DVL3: variants seen among roughly 807,000 people sequenced by gnomAD.
DVL3 encodes the protein segment polarity protein dishevelled homolog DVL-3.
A neutral mutation model predicts 67.4 loss-of-function variants in DVL3; 27 were observed. That is an observed-to-expected ratio of 0.40 (90% CI 0.30 to 0.55). The LOEUF (loss-of-function observed/expected upper bound fraction) is 0.55, where lower values mean the gene tolerates loss of function less well. DVL3 is among the 20% of genes least tolerant of loss of function. The pLI is 0.46. For missense variants in DVL3, 819 were observed against 1,021.5 expected (o/e 0.80, Z 2.70); for synonymous variants, 369 against 396.8 (o/e 0.93, Z 0.83).
rs1487586409 is a variant in DVL3, at chr3:184,167,627, G to A, written c.1246G>A (p.Val416Ile). Residue 416 changes from valine (V) to isoleucine (I), a missense_variant, in exon 12 of 15, where the codon GTA becomes ATA. By Grantham distance (29) the Val-to-Ile change is conservative. Transcript: ENST00000313143. The surrounding 1 kb of genome is among the most constrained non-coding windows in gnomAD (Gnocchi z 4.6). ...LSIHSDMAAI[V>I]KAMASPESGL... Reference sequence around the variant, plus strand: ...CATCCACAGTGACATGGCTGCCATCGTAAAAGCCATGGCCTCCCCTGAATC... The same window carrying A: ...CATCCACAGTGACATGGCTGCCATCATAAAAGCCATGGCCTCCCCTGAATC... The A allele has an allele frequency of 3.1e-6, 5 of 1,613,784 alleles. No homozygotes were observed. Among genetic ancestry groups the A allele is most frequent in the East Asian group, 2.2e-5 (1 of 44,866 alleles).
chr3:184,169,381 G>A (rs1484663616), intron 13 of DVL3, among the ~76,000 whole-genome samples: 2 of 152,172 alleles, frequency 1.3e-5, no homozygotes, highest in East Asian at 1.9e-4. Flanking sequence ...CTGAGTGAAC[G>A]GAAGAGAAAA....
rs755336198 is a variant in DVL3, at chr3:184,166,242, G to A, written c.880G>A (p.Glu294Lys). 3 of 1,612,796 alleles carry A rather than the reference G, an allele frequency of 1.9e-6. No homozygotes were observed. The highest frequency in any genetic ancestry group is 1.3e-5 in the African/African-American group (1 of 74,868). ...GGAVAADGRI[E>K]PGDMLLQVNE... ...GGCCGTGGCTGCTGATGGACGCATC[G>A]AGCCAGGAGATATGTTGTTACAGGT... The change falls in exon 8 of 15, where the codon GAG becomes AAG. Residue 294 changes from glutamate (E) to lysine (K), a missense_variant. Around this residue, in one of 3 missense-constraint regions of DVL3, gnomAD observed 385 missense variants for 486.8 expected, o/e 0.79. Transcript: ENST00000313143. The surrounding 1 kb of genome is among the most constrained non-coding windows in gnomAD (Gnocchi z 6.7).
In DVL3 at chr3:184,165,023, C is replaced by T; in HGVS notation, c.600-90C>T. On this transcript the variant is annotated intron_variant, in intron 5 of 14. Coordinates refer to ENST00000313143, the MANE Select transcript of DVL3 (RefSeq NM_004423.4). This position sits in a 1 kb window ranked among gnomAD's most constrained non-coding sequence, Gnocchi z 4.1. Reference sequence around the variant, plus strand: ...GCGGGGCCCCTGGGAGGCTTATGGGCTTTGTGTTGGGGACCCAGGCCCTGC... The same window carrying T: ...GCGGGGCCCCTGGGAGGCTTATGGGTTTTGTGTTGGGGACCCAGGCCCTGC... The T allele has an allele frequency of 6.2e-7, 1 of 1,607,924 alleles. No homozygotes were observed.
In DVL3 at chr3:184,165,548, A is replaced by C. The variant is rs578167627; in HGVS notation, c.763+57A>C. On this transcript the variant is annotated intron_variant, in intron 7 of 14. Coordinates refer to ENST00000313143, the MANE Select transcript of DVL3 (RefSeq NM_004423.4). This position sits in a 1 kb window ranked among gnomAD's most constrained non-coding sequence, Gnocchi z 4.1. ...CTGCTATATGCCAGACACTGGGCAG[A>C]CTTGAGTTCAGAGAGCGTAGAATAT... 1 of 1,498,766 alleles carries C rather than the reference A, an allele frequency of 6.7e-7. No individual in the cohort carries two copies. Among genetic ancestry groups the C allele is most frequent in the Non-Finnish European group, 9.3e-7 (1 of 1,075,996 alleles). The allele number at this position is 1,498,766 out of a possible 1,614,324, so 92.8% of individuals were successfully genotyped here.
At position 184,163,474 on chromosome 3, in the gene DVL3, G is replaced by C. The variant is rs543537514; in HGVS notation, c.162-183G>C. Among the ~76,000 whole-genome samples the C allele has an allele frequency of 6.6e-6, 1 of 152,212 alleles. No individual in the cohort carries two copies. The highest frequency in any genetic ancestry group is 2.1e-4 in the South Asian group (1 of 4,836). On this transcript the variant is annotated intron_variant, in intron 1 of 14. Coordinates refer to ENST00000313143, the MANE Select transcript of DVL3 (RefSeq NM_004423.4). The surrounding 1 kb of genome is among the most constrained non-coding windows in gnomAD (Gnocchi z 4.5). ...AAGGTATCTGGCCTAGGCAGGGCTG[G>C]TGTCTTCCTGGTGGTGCCAAAGAGC...
At position 184,167,771 on chromosome 3, in the gene DVL3, G is replaced by A. The variant is rs377742736; in HGVS notation, c.1330+60G>A. ...GGGGAGTGATGGGGCAGGGCAGGCCGGAGGGCCCAGGACTTGCCTTGGACC... is the reference window on the plus strand; with the variant it reads ...GGGGAGTGATGGGGCAGGGCAGGCCAGAGGGCCCAGGACTTGCCTTGGACC... On this transcript the variant is annotated intron_variant, in intron 12 of 14. Transcript: ENST00000313143. This position sits in a 1 kb window ranked among gnomAD's most constrained non-coding sequence, Gnocchi z 4.6. 99 of 1,588,012 alleles carry A rather than the reference G, an allele frequency of 6.2e-5. No individual in the cohort carries two copies. The highest frequency in any genetic ancestry group is 7.5e-5 in the Non-Finnish European group (88 of 1,166,924).
At chr3:184,161,889 C>T (rs1323680839) in intron 1 of DVL3, among the ~76,000 whole-genome samples, 1 of 152,152 alleles carries the variant, frequency 6.6e-6, no homozygotes, top group Non-Finnish European at 1.5e-5. Context: ...TCTCAGTTTC[C>T]TTATTCATGA....
chr3:184,160,169 G>A (rs1714333216), intron 1 of DVL3, among the ~76,000 whole-genome samples: 2 of 150,458 alleles, frequency 1.3e-5, no homozygotes, highest in Non-Finnish European at 3.0e-5. Flanking sequence ...AGCCAGGATG[G>A]TCTTGATCTC....
Position 184,172,680 on chromosome 3 carries a change from G to T in DVL3, c.*1925G>T, listed in dbSNP as rs1483643158. On this transcript the variant is annotated 3_prime_UTR_variant, in exon 15 of 15. Coordinates refer to ENST00000313143, the MANE Select transcript of DVL3 (RefSeq NM_004423.4). ...ATCCAGGAAGCAAGCGGAGGTTGCA[G>T]TGAGTTGAGATCGCACTCCAGCCTG... 2 of 152,274 alleles carry T rather than the reference G, an allele frequency of 1.3e-5. No individual in the cohort carries two copies. The highest frequency in any genetic ancestry group is 4.8e-5 in the African/African-American group (2 of 41,466). 9.4% of individuals were successfully genotyped at this position (152,274 alleles called of 1,614,324 possible).
intron 1 of DVL3, among the ~76,000 whole-genome samples, chr3:184,162,364 T>C (rs1199756230): frequency 1.3e-5 from 2 of 151,764 alleles, no homozygotes; most frequent in African/African-American, 2.4e-5. Flanking sequence ...TTGTTTTGTT[T>C]TGTAGAGCCG....
rs1436821051 is a variant in DVL3, at chr3:184,173,354, CTACTT to C, written c.*2602_*2606del. 1.3e-5 allele frequency: 2 copies of C among 152,254 alleles called. No homozygotes were observed. Among genetic ancestry groups the C allele is most frequent in the Non-Finnish European group, 2.9e-5 (2 of 68,062 alleles). The allele number at this position is 152,254 out of a possible 1,614,324, so 9.4% of individuals were successfully genotyped here. On this transcript the variant is annotated 3_prime_UTR_variant, in exon 15 of 15. Transcript: ENST00000313143. Reference sequence around the variant, plus strand: ...GAATTTGGCCCTCCCTCTCCCCTCTCTACTTTAATTCATTGGAGCATGGGATTTGG... The same window carrying C: ...GAATTTGGCCCTCCCTCTCCCCTCTCTAATTCATTGGAGCATGGGATTTGG...
rs1714441934 is a variant in DVL3, at chr3:184,163,129, C to G, written c.162-528C>G. On this transcript the variant is annotated intron_variant, in intron 1 of 14. Coordinates refer to ENST00000313143, the MANE Select transcript of DVL3 (RefSeq NM_004423.4). The surrounding 1 kb of genome is among the most constrained non-coding windows in gnomAD (Gnocchi z 4.5). ...CTCGTACTCCTGACCTCAGGGTGAT[C>G]TGCCTGCCTCAGCCTCTCAAAGTTC... Among the ~76,000 whole-genome samples, 1 of 152,098 alleles carries G rather than the reference C, an allele frequency of 6.6e-6. No homozygotes were observed. The highest frequency in any genetic ancestry group is 2.4e-5 in the African/African-American group (1 of 41,416).
chr3:184,163,832 ATCTT>A lies in DVL3; in HGVS notation c.231+112_231+115del. The A allele has an allele frequency of 2.0e-6, 2 of 998,548 alleles. No homozygotes were observed. The highest frequency in any genetic ancestry group is 3.1e-6 in the Non-Finnish European group (2 of 651,554). The allele number at this position is 998,548 out of a possible 1,614,324, so 61.9% of individuals were successfully genotyped here. On this transcript the variant is annotated intron_variant, in intron 2 of 14. Coordinates refer to ENST00000313143, the MANE Select transcript of DVL3 (RefSeq NM_004423.4). The surrounding 1 kb of genome is among the most constrained non-coding windows in gnomAD (Gnocchi z 4.5). ...GGTGGTTTTAAGCTTCAGTATCTGA[ATCTT>A]TCTTTAGTTTTGCAAATGAACTGCT...
In DVL3 at chr3:184,160,706, G is replaced by A. The variant is rs929660648; in HGVS notation, c.162-2951G>A. On this transcript the variant is annotated intron_variant, in intron 1 of 14. Transcript: ENST00000313143. ...CCCCCAGAAAGAGAGGAAACGTGTA[G>A]TGTGGAGCAGTGTGGTGGGGCCTGC... Among the ~76,000 whole-genome samples, 7 of 152,340 alleles carry A rather than the reference G, an allele frequency of 4.6e-5. No homozygotes were observed. The South Asian group carries it at 1.5e-3, about 32-fold the overall frequency.
In DVL3 at chr3:184,172,082, G is replaced by C. The variant is rs1714862825; in HGVS notation, c.*1327G>C. 1 of 152,500 alleles carries C rather than the reference G, an allele frequency of 6.6e-6. No individual in the cohort carries two copies. Among genetic ancestry groups the C allele is most frequent in the Non-Finnish European group, 1.5e-5 (1 of 68,130 alleles). 9.4% of individuals were successfully genotyped at this position (152,500 alleles called of 1,614,324 possible). Reference sequence around the variant, plus strand: ...AAGCCCATAAGCTGGGTCTCAGGCTGGGCTCAGCAAAGGACTCGCCTTGCA... The same window carrying C: ...AAGCCCATAAGCTGGGTCTCAGGCTCGGCTCAGCAAAGGACTCGCCTTGCA... On this transcript the variant is annotated 3_prime_UTR_variant, in exon 15 of 15. Coordinates refer to ENST00000313143, the MANE Select transcript of DVL3 (RefSeq NM_004423.4).
rs749080591 is a variant in DVL3, at chr3:184,170,094, C to T, written c.1587C>T (p.Ala529=). Residue 529 remains alanine, a synonymous_variant, in exon 14 of 15, where the codon GCC becomes GCT. Coordinates refer to ENST00000313143, the MANE Select transcript of DVL3 (RefSeq NM_004423.4). The surrounding 1 kb of genome is among the most constrained non-coding windows in gnomAD (Gnocchi z 6.5). ...TGGCCCCTTTGCCGCACCCGGGGGC[C>T]GCCCCTTGGCCCATGGCTTTCCCGT... ...DTLAPLPHPG[A]APWPMAFPYQ... 1 of 1,614,034 alleles carries T rather than the reference C, an allele frequency of 6.2e-7. No individual in the cohort carries two copies. The highest frequency in any genetic ancestry group is 8.5e-7 in the Non-Finnish European group (1 of 1,179,964).
At chr3:184,162,202 G>A (rs1383918946) in intron 1 of DVL3, among the ~76,000 whole-genome samples, 6 of 145,198 alleles carry the variant, frequency 4.1e-5, no homozygotes, top group Non-Finnish European at 6.0e-5. Context: ...TTTTGAGACA[G>A]GGTCTTGCTC....
Position 184,170,529 on chromosome 3 carries a change from G to A in DVL3, c.1925G>A (p.Ser642Asn). Reference sequence around the variant, plus strand: ...CACCGCAGCCACCATTCCCTGGCCAGCAGCCTTCGCAGCCACCACACACAC... The same window carrying A: ...CACCGCAGCCACCATTCCCTGGCCAACAGCCTTCGCAGCCACCACACACAC... ...HSHRSHHSLA[S>N]SLRSHHTHPS... Residue 642 changes from serine (S) to asparagine (N), a missense_variant, in exon 15 of 15, where the codon AGC becomes AAC. Around this residue, in one of 3 missense-constraint regions of DVL3, gnomAD observed 324 missense variants for 331.3 expected, o/e 0.98. Transcript: ENST00000313143. This position sits in a 1 kb window ranked among gnomAD's most constrained non-coding sequence, Gnocchi z 6.5. The A allele has an allele frequency of 1.2e-6, 2 of 1,610,394 alleles. No homozygotes were observed. Among genetic ancestry groups the A allele is most frequent in the Non-Finnish European group, 1.7e-6 (2 of 1,178,342 alleles).
chr3:184,169,328 T>C (rs141647736), intron 13 of DVL3, among the ~76,000 whole-genome samples: 5 of 152,360 alleles, frequency 3.3e-5, no homozygotes, highest in Non-Finnish European at 7.4e-5. Context: ...ACCTGGTGGC[T>C]GTCTAGTATT....
Sources: gnomAD v4.1 joint callset for allele counts (sites outside exome capture counted in the v4.1 genomes callset) on GRCh38, gnomAD v4.1.1 for gene constraint, gnomAD v4.1.1 regional missense constraint, Gnocchi (gnomAD v3.1) non-coding constraint, MANE v1.5 for transcripts, NCBI Gene and HGNC (gene_info 2026-07-23, HGNC 2026-07-21) for gene names.